EPS15: variants seen among roughly 807,000 people sequenced by gnomAD.
EPS15 encodes the protein epidermal growth factor receptor pathway substrate 15.
In EPS15, 72 loss-of-function variants were observed where a neutral mutation model predicts 113.8. The ratio of observed to expected loss-of-function variants is 0.63; its 90% CI spans 0.52 to 0.77. The LOEUF is 0.77. EPS15 is among the 30% of genes least tolerant of loss of function. The pLI, the probability that EPS15 is intolerant of heterozygous loss-of-function variation, is 0.00. For missense variants in EPS15, 1,048 were observed against 1,045.8 expected (o/e 1.00, Z -0.03); for synonymous variants, 344 against 363.4 (o/e 0.95, Z 0.61).
chr1:51,488,472 T>TAAAAAAAAAAA (rs71063033), intron 1 of EPS15, among the ~76,000 whole-genome samples: 1 of 85,304 alleles, frequency 1.2e-5, no homozygotes, highest in Non-Finnish European at 2.3e-5. Context: ...TAAAGTTTTG[T>TAAAAAAAAAAA]AAAAAAAAAA....
At chr1:51,488,012 G>A (rs1297673297) in intron 1 of EPS15, among the ~76,000 whole-genome samples, 2 of 152,114 alleles carry the variant, frequency 1.3e-5, no homozygotes, top group Non-Finnish European at 2.9e-5. Context: ...TTATTAAATG[G>A]TAACAATGAT....
chr1:51,473,058 A>ATTCTC, intron 2 of EPS15, 110 bp from the exon 3 acceptor site: 2 of 794,868 alleles, frequency 2.5e-6, no homozygotes, highest in Non-Finnish European at 4.3e-6. Context: ...GCAAGAAAGG[A>ATTCTC]ATGAGAATCC....
rs1427481526 is a variant in EPS15 at position 51,406,030 on chromosome 1, T to C, written c.1552A>G (p.Ile518Val). Reference protein sequence around the residue: ...QLNWCSSPHSILVNGATDYCS... With the variant: ...QLNWCSSPHSVLVNGATDYCS... ...TAATCTGTAGCTCCGTTTACAAGAA[T>C]GCTGTGTGGGCTACTGCACCAATTT... The change falls in exon 16 of 25, where the codon ATT becomes GTT. Residue 518 changes from isoleucine to valine, a missense_variant. By Grantham distance (29) the Ile-to-Val change is conservative (BLOSUM62 3). Transcript: ENST00000371733. The C allele has an allele frequency of 2.5e-6, 4 of 1,614,198 alleles. No individual in the cohort carries two copies. The highest frequency in any genetic ancestry group is 2.2e-5 in the East Asian group (1 of 44,888).
intron 1 of EPS15, among the ~76,000 whole-genome samples, chr1:51,493,379 G>A (rs1211235866): frequency 6.8e-6 from 1 of 146,476 alleles, no homozygotes; most frequent in Admixed American, 6.8e-5. Context: ...ATAAAAATTA[G>A]CCAGGCGTGG....
chr1:51,357,389 AAAATATAT>A (rs1266356824), intron 24 of EPS15, among the ~76,000 whole-genome samples: 78 of 57,634 alleles, frequency 1.4e-3, no homozygotes, highest in African/African-American at 6.4e-3. Flanking sequence ...AAAAAAAAAA[AAAATATAT>A]ATATATATAT....
chr1:51,475,906 C>T (rs1655644294), intron 2 of EPS15, among the ~76,000 whole-genome samples: 1 of 152,110 alleles, frequency 6.6e-6, no homozygotes, highest in South Asian at 2.1e-4. Context: ...TATGGCTAGC[C>T]AGTTTTCCCA....
At chr1:51,407,712 G>A (rs547307774) in intron 15 of EPS15, among the ~76,000 whole-genome samples, 1 of 152,256 alleles carries the variant, frequency 6.6e-6, no homozygotes, top group Admixed American at 6.5e-5. Flanking sequence ...TATAAAACAG[G>A]CAACACTTAT....
chr1:51,493,769 G>A (rs191055887), intron 1 of EPS15, among the ~76,000 whole-genome samples: 5 of 151,136 alleles, frequency 3.3e-5, no homozygotes, highest in East Asian at 2.0e-4. Context: ...CAGGCGTCAC[G>A]CCTGGCTAAT....
At chr1:51,474,356 G>A (rs1655450877) in intron 2 of EPS15, among the ~76,000 whole-genome samples, 1 of 152,076 alleles carries the variant, frequency 6.6e-6, no homozygotes, top group African/African-American at 2.4e-5. Context: ...TTCAAAAAGT[G>A]GATTTTTGGA....
chr1:51,449,810 T>C (rs1235365795), intron 8 of EPS15, among the ~76,000 whole-genome samples: 4 of 151,510 alleles, frequency 2.6e-5, no homozygotes, highest in East Asian at 1.9e-4. Flanking sequence ...GGGTGCAATC[T>C]TGGGGTACGG....
chr1:51,370,252 T>C (rs1003840797), intron 21 of EPS15, among the ~76,000 whole-genome samples: 1 of 152,240 alleles, frequency 6.6e-6, no homozygotes, highest in South Asian at 2.1e-4. Flanking sequence ...TTGCCAGTCG[T>C]ATCAAAGTAT....
rs753645265 is a variant in EPS15 at position 51,413,792 on chromosome 1, A to G, written c.1114-4096T>C. On this transcript the variant is annotated intron_variant, in intron 13 of 24. Coordinates refer to ENST00000371733, the MANE Select transcript of EPS15 (RefSeq NM_001981.3). ...AAGACAGGATCTTACTCTGTCACCC[A>G]GGCTAGAATGCAGTGGTATAATCAC... Among the ~76,000 whole-genome samples the G allele has an allele frequency of 1.1e-4, 17 of 152,278 alleles. No homozygotes were observed. In the Middle Eastern group the frequency reaches 0.01, roughly 91 times the overall value.
intron 23 of EPS15, 31 bp downstream of exon 23, chr1:51,363,835 G>A: frequency 6.3e-7 from 1 of 1,586,340 alleles, no homozygotes. Context: ...AAGCCATGCA[G>A]TTGACTGAAG....
chr1:51,461,239 A>T, intron 7 of EPS15, 89 bp from the exon 8 acceptor site: 3 of 903,082 alleles, frequency 3.3e-6, no homozygotes, highest in Non-Finnish European at 5.5e-6. Flanking sequence ...TGAGCTAGGA[A>T]TGGTGGCTCA....
At chr1:51,402,337 T>C (rs1386888866) in intron 18 of EPS15, 98 bp downstream of exon 18, 1 of 579,486 alleles carries the variant, frequency 1.7e-6, no homozygotes, top group South Asian at 2.5e-5. Context: ...ACAGACTGAG[T>C]TGGTAGGCTA....
Position 51,363,851 on chromosome 1 carries a change from T to C in EPS15, c.2359+15A>G. The C allele has an allele frequency of 6.2e-7, 1 of 1,604,390 alleles. No homozygotes were observed. Among genetic ancestry groups the C allele is most frequent in the Non-Finnish European group, 8.5e-7 (1 of 1,175,892 alleles). On this transcript the variant is annotated intron_variant, in intron 23 of 24. Coordinates refer to ENST00000371733, the MANE Select transcript of EPS15 (RefSeq NM_001981.3). Reference sequence around the variant, plus strand: ...AGCCATGCAGTTGACTGAAGAAAAGTACCAACTCTCATACCAGGTGGTAGA... The same window carrying C: ...AGCCATGCAGTTGACTGAAGAAAAGCACCAACTCTCATACCAGGTGGTAGA...
intron 21 of EPS15, among the ~76,000 whole-genome samples, chr1:51,368,091 C>G (rs1334687692): frequency 6.6e-6 from 1 of 152,048 alleles, no homozygotes; most frequent in African/African-American, 2.4e-5. Context: ...GAGATTGCGC[C>G]ACTGCACTCC....
chr1:51,435,671 C>T (rs1652094331), intron 12 of EPS15, among the ~76,000 whole-genome samples: 1 of 152,102 alleles, frequency 6.6e-6, no homozygotes, highest in Non-Finnish European at 1.5e-5. Context: ...GCCTATTCCT[C>T]GGTGTTAAGT....
At chr1:51,462,288 G>C (rs1252084280) in intron 7 of EPS15, among the ~76,000 whole-genome samples, 1 of 151,826 alleles carries the variant, frequency 6.6e-6, no homozygotes, top group African/African-American at 2.4e-5. Flanking sequence ...GCTTGAACCC[G>C]GGAGGCAGAG....
Sources: gnomAD v4.1 joint callset for allele counts (sites outside exome capture counted in the v4.1 genomes callset) on GRCh38, gnomAD v4.1.1 for gene constraint, MANE v1.5 for transcripts, NCBI Gene and HGNC (gene_info 2026-07-23, HGNC 2026-07-21) for gene names.